Variants in CDIN1 observed in about 807,000 individuals in gnomAD.
CDIN1 encodes the protein CDAN1-interacting nuclease 1.
CDIN1 carries 33 observed loss-of-function variants against 45.3 expected under a neutral mutation model. That is an observed-to-expected ratio of 0.73 (90% CI 0.55 to 0.97). CDIN1 has a LOEUF of 0.97. CDIN1 is among the 50% of genes least tolerant of loss of function. The pLI is 0.00. For synonymous variants in CDIN1, 118 were observed against 124.4 expected (o/e 0.95, Z 0.34); for missense variants, 303 against 339.4 (o/e 0.89, Z 0.84).
At chr15:36,714,445 G>T (rs138836950) in intron 10 of CDIN1, among the ~76,000 whole-genome samples, 1 of 152,048 alleles carries the variant, frequency 6.6e-6, no homozygotes, top group Non-Finnish European at 1.5e-5. Context: ...ATGAAACTGG[G>T]CCTGGAGCAA....
chr15:36,682,866 C>T (rs2041906689), intron 5 of CDIN1, among the ~76,000 whole-genome samples: 2 of 151,600 alleles, frequency 1.3e-5, no homozygotes, highest in African/African-American at 4.8e-5. Flanking sequence ...AATTTAACAC[C>T]GTAGAGACTA....
chr15:36,583,955 G>T (rs1486326412), intron 1 of CDIN1, among the ~76,000 whole-genome samples: 2 of 152,162 alleles, frequency 1.3e-5, no homozygotes, highest in African/African-American at 4.8e-5. Context: ...GGCAGAGCTT[G>T]CAGTGAGCTG....
At chr15:36,583,138 T>C (rs755196592) in intron 1 of CDIN1, among the ~76,000 whole-genome samples, 17 of 152,216 alleles carry the variant, frequency 1.1e-4, no homozygotes, top group South Asian at 2.1e-4. Context: ...AACTTTTAAA[T>C]GTATGCTTTT....
intron 10 of CDIN1, among the ~76,000 whole-genome samples, chr15:36,710,984 T>C (rs2043037781): frequency 6.6e-6 from 1 of 152,194 alleles, no homozygotes; most frequent in African/African-American, 2.4e-5. Flanking sequence ...ATAGCTTTCT[T>C]GATTTTCTTG....
At chr15:36,683,088 A>G (rs1346891370) in intron 5 of CDIN1, among the ~76,000 whole-genome samples, 2 of 152,238 alleles carry the variant, frequency 1.3e-5, no homozygotes, top group Admixed American at 6.5e-5. Flanking sequence ...CAAAGATGTT[A>G]CTGATAAAGA....
chr15:36,667,304 A>G (rs888736870), intron 5 of CDIN1, among the ~76,000 whole-genome samples: 1 of 152,198 alleles, frequency 6.6e-6, no homozygotes, highest in African/African-American at 2.4e-5. Context: ...TACTTATGTC[A>G]CATAGCACTA....
At chr15:36,742,640 C>T (rs958443796) in intron 10 of CDIN1, among the ~76,000 whole-genome samples, 4 of 152,156 alleles carry the variant, frequency 2.6e-5, no homozygotes, top group African/African-American at 9.7e-5. Flanking sequence ...CTGGAGTCTT[C>T]CTGTTGTTGG....
intron 3 of CDIN1, among the ~76,000 whole-genome samples, chr15:36,653,456 TAAA>T (rs10634949): frequency 1.4e-5 from 2 of 147,234 alleles, no homozygotes; most frequent in Non-Finnish European, 3.0e-5. Flanking sequence ...CAAATTTTTG[TAAA>T]AAAAAAAAAA....
intron 8 of CDIN1, among the ~76,000 whole-genome samples, chr15:36,704,006 C>G (rs1252262053): frequency 6.6e-6 from 1 of 152,154 alleles, no homozygotes; most frequent in African/African-American, 2.4e-5. Context: ...TACAACCTGT[C>G]CTGTATCTTT....
chr15:36,597,603 A>AT (rs2037899053), intron 1 of CDIN1, among the ~76,000 whole-genome samples: 1 of 152,044 alleles, frequency 6.6e-6, no homozygotes, highest in East Asian at 1.9e-4. Flanking sequence ...GAACTTTACT[A>AT]TTTTTTATAT....
At chr15:36,594,974 G>A in intron 1 of CDIN1, 2 of 913,392 alleles carry the variant, frequency 2.2e-6, no homozygotes, top group Non-Finnish European at 2.6e-6. Flanking sequence ...GTATGACTGT[G>A]CTTTTATTTA....
At chr15:36,718,812 C>CTTTTTTTTTTTTTTTTTTTTTTTGTTTTT (rs2043304872) in intron 10 of CDIN1, among the ~76,000 whole-genome samples, 1 of 96,626 alleles carries the variant, frequency 1.0e-5, no homozygotes, top group Non-Finnish European at 2.0e-5. Flanking sequence ...AATTTGTATG[C>CTTTTTTTTTTTTTTTTTTTTTTTGTTTTT]TTTTTTTTTT....
At chr15:36,621,203 A>G (rs894377997) in intron 1 of CDIN1, among the ~76,000 whole-genome samples, 2 of 152,208 alleles carry the variant, frequency 1.3e-5, no homozygotes, top group African/African-American at 4.8e-5. Flanking sequence ...TAAATTGTGA[A>G]TACTGGAAAG....
intron 1 of CDIN1, among the ~76,000 whole-genome samples, chr15:36,622,657 A>T (rs984863502): frequency 3.9e-5 from 6 of 152,204 alleles, no homozygotes; most frequent in Non-Finnish European, 5.9e-5. Flanking sequence ...AGCAAATGGG[A>T]CTTATCCTTG....
intron 10 of CDIN1, among the ~76,000 whole-genome samples, chr15:36,781,857 T>C (rs1479391894): frequency 6.6e-6 from 1 of 152,342 alleles, no homozygotes; most frequent in African/African-American, 2.4e-5. Flanking sequence ...GGTCAGGCCC[T>C]GTGCTTGGCC....
intron 10 of CDIN1, among the ~76,000 whole-genome samples, chr15:36,784,903 T>C (rs916303012): frequency 1.3e-5 from 2 of 152,194 alleles, no homozygotes; most frequent in Admixed American, 6.5e-5. Context: ...AGCTCCCCTG[T>C]TGATTTTGTG....
intron 1 of CDIN1, among the ~76,000 whole-genome samples, chr15:36,588,342 T>A (rs1045961887): frequency 6.6e-6 from 1 of 152,218 alleles, no homozygotes; most frequent in South Asian, 2.1e-4. Context: ...ATACTATTCC[T>A]ATTGGCCTTG....
chr15:36,669,213 T>C (rs1286791207), intron 5 of CDIN1: 2 of 152,126 alleles, frequency 1.3e-5, no homozygotes, highest in Non-Finnish European at 2.9e-5. Context: ...AACAACAGCA[T>C]ATGTTTAGAT....
At chr15:36,691,354 A>T (rs2042245182) in intron 5 of CDIN1, 3 of 284,652 alleles carry the variant, frequency 1.1e-5, no homozygotes, top group Non-Finnish European at 2.0e-5. Flanking sequence ...CTACCTGCAA[A>T]AGGTAAATAT....
Sources: gnomAD v4.1 joint callset for allele counts (sites outside exome capture counted in the v4.1 genomes callset) on GRCh38, gnomAD v4.1.1 for gene constraint, MANE v1.5 for transcripts, NCBI Gene and HGNC (gene_info 2026-07-23, HGNC 2026-07-21) for gene names.